RGS12: variants seen among roughly 807,000 people sequenced by gnomAD.
RGS12 encodes regulator of G protein signaling 12.
In RGS12, 66 loss-of-function variants were observed where a neutral mutation model predicts 120.1. That is an observed-to-expected ratio of 0.55 (90% CI 0.45 to 0.67). The LOEUF (loss-of-function observed/expected upper bound fraction) is 0.67, where lower values mean the gene tolerates loss of function less well. Among genes scored for constraint, RGS12 ranks in the 30% least tolerant of loss-of-function variants. The probability of loss-of-function intolerance (pLI) is 0.00; values close to 1 mark genes in which losing one functional copy is unlikely to be tolerated. For synonymous variants in RGS12, 827 were observed against 804.7 expected, an observed-to-expected ratio of 1.03 and a Z score of -0.47; for missense variants, 1,859 against 1,957.7, an observed-to-expected ratio of 0.95 and a Z score of 0.95.
At chr4:3,346,962 GTT>G (rs1713853864) in intron 3 of RGS12, among the ~76,000 whole-genome samples, 1 of 151,866 alleles carries the variant, frequency 6.6e-6, no homozygotes, top group African/African-American at 2.4e-5. Context: ...ACTGGTCTCA[GTT>G]GTATCCTGCT....
chr4:3,370,188 A>C (rs546288486), intron 3 of RGS12: 2 of 1,584,182 alleles, frequency 1.3e-6, no homozygotes, highest in African/African-American at 2.7e-5. Flanking sequence ...AATGCCTTTA[A>C]ACTTTTCTCA....
intron 3 of RGS12, chr4:3,369,735 C>T (rs2108883772): frequency 6.5e-6 from 1 of 152,886 alleles, no homozygotes; most frequent in Non-Finnish European, 1.5e-5. Context: ...CAGGATCCAT[C>T]ATGGTTCACT....
At chr4:3,414,392 C>T in intron 5 of RGS12, 151 bp downstream of exon 5, 1 of 860,608 alleles carries the variant, frequency 1.2e-6, no homozygotes, top group Non-Finnish European at 1.7e-6. Flanking sequence ...CCGCCACCCT[C>T]TCAAGAGCTC....
In RGS12 at chr4:3,343,164, T is replaced by TCCCCTCCC. The variant is rs1560101490; in HGVS notation, c.1998+113_1998+114insCCTCCCCC. On this transcript the variant is annotated intron_variant, in intron 3 of 17. Coordinates refer to ENST00000336727, the MANE Select transcript of RGS12 (RefSeq NM_001394154.1). ...GAGTCCCTGTGGTCCCCTCCCCTCC[T>TCCCCTCCC]CCTCTGTAGTGGTAACCCCTGTTTT... The TCCCCTCCC allele has an allele frequency of 3.3e-5, 23 of 707,560 alleles. No homozygotes were observed. The South Asian group carries it at 3.7e-4, about 11-fold the overall frequency. The allele number at this position is 707,560 out of a possible 1,614,324, so 43.8% of individuals were successfully genotyped here.
At chr4:3,309,480 G>C (rs1260550121) in intron 1 of RGS12, among the ~76,000 whole-genome samples, 1 of 133,084 alleles carries the variant, frequency 7.5e-6, no homozygotes, top group Non-Finnish European at 1.6e-5. Flanking sequence ...GAGGGGAACC[G>C]TGTGGGGGAG....
intron 5 of RGS12, 168 bp downstream of exon 5, chr4:3,414,409 G>C: frequency 1.3e-6 from 1 of 773,210 alleles, no homozygotes; most frequent in Non-Finnish European, 2.0e-6. Context: ...GCTCAGAGGA[G>C]GGTGGGTTGA....
rs139008676 is a variant in RGS12, at chr4:3,419,762, A to C, written c.2762-880A>C. On this transcript the variant is annotated intron_variant, in intron 9 of 17. Coordinates refer to ENST00000336727, the MANE Select transcript of RGS12 (RefSeq NM_001394154.1). ...CTTGGGTCCTGGAGTTGGAGGCTGC[A>C]GTGAGCTATGATTGTGCCACTGTAC... Among the ~76,000 whole-genome samples, 168 of 152,300 alleles carry C rather than the reference A, an allele frequency of 1.1e-3. 1 individual carries two copies. Among genetic ancestry groups the C allele is most frequent in the South Asian group, 2.3e-3 (11 of 4,822 alleles).
At chr4:3,334,929 A>G in intron 2 of RGS12, among the ~76,000 whole-genome samples, 1 of 152,006 alleles carries the variant, frequency 6.6e-6, no homozygotes, top group East Asian at 1.9e-4. Context: ...CACTTTTTCT[A>G]GGTTCTCCCT....
intron 6 of RGS12, among the ~76,000 whole-genome samples, chr4:3,415,137 C>T (rs1404347909): frequency 1.4e-5 from 1 of 72,268 alleles, no homozygotes; most frequent in African/African-American, 5.8e-5. Flanking sequence ...GTGTGAGGGG[C>T]GTGTGTGAGA....
chr4:3,338,039 C>T (rs1404431887), intron 2 of RGS12, among the ~76,000 whole-genome samples: 11 of 152,078 alleles, frequency 7.2e-5, no homozygotes, highest in Admixed American at 3.3e-4. Context: ...TTCTTTGCTC[C>T]GAACTGATGG....
At position 3,417,534 on chromosome 4, in the gene RGS12, C is replaced by G; in HGVS notation, c.2754C>G (p.His918Gln). ...AGAAAAAGAGGGAGCACGGGGACCACGCAGACGGTTTGTGGGGTGGCTCCT... is the reference window on the plus strand; with the variant it reads ...AGAAAAAGAGGGAGCACGGGGACCAGGCAGACGGTTTGTGGGGTGGCTCCT... ...RSQKKREHGD[H>Q]ADDALHANGG... The change falls in exon 9 of 18, where the codon CAC becomes CAG. Residue 918 changes from histidine to glutamine, a missense_variant. Coordinates refer to ENST00000336727, the MANE Select transcript of RGS12 (RefSeq NM_001394154.1). 6.2e-7 allele frequency: 1 copy of G among 1,612,664 alleles called. No individual in the cohort carries two copies. The highest frequency in any genetic ancestry group is 1.3e-5 in the African/African-American group (1 of 75,046).
intron 3 of RGS12, among the ~76,000 whole-genome samples, chr4:3,380,256 C>T (rs1718121299): frequency 6.6e-6 from 1 of 152,262 alleles, no homozygotes; most frequent in Non-Finnish European, 1.5e-5. Flanking sequence ...AAGAGGTGGG[C>T]TCCCACGGCC....
intron 3 of RGS12, among the ~76,000 whole-genome samples, chr4:3,380,524 C>A (rs1047312551): frequency 6.6e-6 from 1 of 152,194 alleles, no homozygotes; most frequent in Non-Finnish European, 1.5e-5. Flanking sequence ...ACGAGGGCCC[C>A]ACCCCTGCAG....
chr4:3,361,308 C>T (rs536185810), intron 3 of RGS12, among the ~76,000 whole-genome samples: 50 of 152,250 alleles, frequency 3.3e-4, no homozygotes, highest in African/African-American at 1.2e-3. Context: ...GGGGTGAGGG[C>T]TACGTGGGCT....
chr4:3,342,539 A>G (rs1387657297), intron 2 of RGS12: 1 of 1,293,832 alleles, frequency 7.7e-7, no homozygotes, highest in Non-Finnish European at 1.0e-6. Flanking sequence ...ACCTGCCTTC[A>G]TCTTTACTAA....
At chr4:3,386,271 TGGCTTTCCCGGGACAC>T in intron 3 of RGS12, 129 bp from the exon 4 acceptor site, 1 of 756,722 alleles carries the variant, frequency 1.3e-6, no homozygotes, top group East Asian at 2.5e-5. Context: ...TTGGGCCGTC[TGGCTTTCCCGGGACAC>T]CTCCACCTGG....
chr4:3,310,774 G>A (rs1262630979), intron 1 of RGS12, among the ~76,000 whole-genome samples: 2 of 152,146 alleles, frequency 1.3e-5, no homozygotes, highest in Admixed American at 1.3e-4. Flanking sequence ...GACTATGGGA[G>A]GGTGTGAGGT....
At chr4:3,294,012 G>A (rs1723225550) in intron 1 of RGS12, among the ~76,000 whole-genome samples, 1 of 152,192 alleles carries the variant, frequency 6.6e-6, no homozygotes. Context: ...CCAGAGCCGT[G>A]GAGTGTGGAC....
At chr4:3,439,183 G>A (rs1035030076) in intron 17 of RGS12, among the ~76,000 whole-genome samples, 15 of 152,030 alleles carry the variant, frequency 9.9e-5, no homozygotes, top group Non-Finnish European at 2.1e-4. Context: ...GCTGCAGTGG[G>A]GAAGCAGGGT....
Sources: gnomAD v4.1 joint callset for allele counts (sites outside exome capture counted in the v4.1 genomes callset) on GRCh38, gnomAD v4.1.1 for gene constraint, MANE v1.5 for transcripts, NCBI Gene and HGNC (gene_info 2026-07-23, HGNC 2026-07-21) for gene names.